The following ZC3H12D variants were observed in gnomAD, a reference collection of about 807,000 sequenced individuals.
The protein encoded by ZC3H12D is zinc finger CCCH-type containing 12D, also known as probable ribonuclease ZC3H12D.
A neutral mutation model predicts 24.2 loss-of-function variants in ZC3H12D; 11 were observed. The ratio of observed to expected loss-of-function variants is 0.46; its 90% CI spans 0.29 to 0.75. The LOEUF (loss-of-function observed/expected upper bound fraction) is 0.75. ZC3H12D is among the 30% of genes least tolerant of loss of function. The probability of loss-of-function intolerance (pLI) is 0.11; values close to 1 mark genes in which losing one functional copy is unlikely to be tolerated. For synonymous variants in ZC3H12D, 333 were observed against 341.8 expected (o/e 0.97, Z 0.28); for missense variants, 740 against 767.7 (o/e 0.96, Z 0.43).
chr6:149,451,362 C>CATCATTAAAA lies in ZC3H12D; in HGVS notation c.904_905insTTTTAATGAT (p.Gly302ValfsTer95). ...TCTCGGTGGCCGCTGCTCCTCGGCG[C>CATCATTAAAA]CCGCGCCAGGCCGGGCCCCTGTCTT... On this transcript the variant is annotated frameshift_variant, in exon 6 of 6. Transcript: ENST00000409806. LOFTEE classifies it low-confidence loss of function (END_TRUNC). The CATCATTAAAA allele has an allele frequency of 1.3e-6, 2 of 1,496,224 alleles. No homozygotes were observed. Among genetic ancestry groups the CATCATTAAAA allele is most frequent in the Non-Finnish European group, 8.8e-7 (1 of 1,133,532 alleles). 92.7% of individuals were successfully genotyped at this position (1,496,224 alleles called of 1,614,324 possible).
At chr6:149,464,913 C>A (rs1776127181) in intron 2 of ZC3H12D, among the ~76,000 whole-genome samples, 1 of 152,168 alleles carries the variant, frequency 6.6e-6, no homozygotes, top group Admixed American at 6.5e-5. Flanking sequence ...GAGCCAAGGG[C>A]CACTACGCCA....
chr6:149,459,073 T>C (rs1000638469), intron 3 of ZC3H12D, among the ~76,000 whole-genome samples: 1 of 152,190 alleles, frequency 6.6e-6, no homozygotes, highest in Admixed American at 6.5e-5. Context: ...TTTCCACTTT[T>C]TTGTTTTTGT....
intron 3 of ZC3H12D, among the ~76,000 whole-genome samples, chr6:149,457,541 T>C (rs1456064075): frequency 1.3e-5 from 2 of 152,188 alleles, no homozygotes; most frequent in Non-Finnish European, 2.9e-5. Flanking sequence ...TTCACCCCGG[T>C]TGAATGTCCA....
At chr6:149,457,316 G>T (rs1394800106) in intron 3 of ZC3H12D, among the ~76,000 whole-genome samples, 1 of 152,208 alleles carries the variant, frequency 6.6e-6, no homozygotes, top group Non-Finnish European at 1.5e-5. Flanking sequence ...CCTTCAGCAT[G>T]ACGGGGAGCC....
chr6:149,451,905 C>T (rs549924851), intron 5 of ZC3H12D, among the ~76,000 whole-genome samples: 2 of 152,342 alleles, frequency 1.3e-5, no homozygotes, highest in East Asian at 3.9e-4. Flanking sequence ...ACTGCGCCTG[C>T]AGTGCCGCCT....
At chr6:149,479,602 C>T (rs1462415527) in intron 1 of ZC3H12D, among the ~76,000 whole-genome samples, 1 of 152,212 alleles carries the variant, frequency 6.6e-6, no homozygotes, top group African/African-American at 2.4e-5. Context: ...AATTATCATT[C>T]TTCTGTTTCT....
At chr6:149,474,888 G>A (rs548937916) in intron 1 of ZC3H12D, among the ~76,000 whole-genome samples, 4 of 152,354 alleles carry the variant, frequency 2.6e-5, no homozygotes, top group African/African-American at 9.6e-5. Flanking sequence ...CGTGCACCTA[G>A]CACTCGGGAC....
chr6:149,466,007 G>A (rs1391422085), intron 2 of ZC3H12D, among the ~76,000 whole-genome samples: 1 of 152,098 alleles, frequency 6.6e-6, no homozygotes, highest in Non-Finnish European at 1.5e-5. Flanking sequence ...TTTCTGCAAG[G>A]CTGCCTTGGA....
intron 2 of ZC3H12D, among the ~76,000 whole-genome samples, chr6:149,469,228 C>T (rs941667958): frequency 1.3e-5 from 2 of 152,124 alleles, no homozygotes; most frequent in African/African-American, 4.8e-5. Flanking sequence ...GAGGCCGAGG[C>T]GGGTGGATCA....
chr6:149,468,475 T>C (rs2115009100), intron 2 of ZC3H12D, among the ~76,000 whole-genome samples: 1 of 152,258 alleles, frequency 6.6e-6, no homozygotes, highest in South Asian at 2.1e-4. Context: ...GGCTAGGGGC[T>C]CCCAAAGCAG....
chr6:149,461,662 G>A (rs411091), intron 3 of ZC3H12D, 169 bp downstream of exon 3: 215,830 of 639,838 alleles, frequency 0.34, 38,273 homozygotes, highest in African/African-American at 0.46. Context: ...TAGGTGCTAG[G>A]GCTATGGCAT....
rs1197025728 is a variant in ZC3H12D at position 149,474,411 on chromosome 6, T to C, written c.133A>G (p.Ser45Gly). Residue 45 changes from serine (S) to glycine (G), a missense_variant, in exon 2 of 6, where the codon AGC (serine) becomes GGC (glycine). Coordinates refer to ENST00000409806, the MANE Select transcript of ZC3H12D (RefSeq NM_207360.3). The part of the protein sequence containing the change: ...DVLQELIRTG[S>G]RPGALEHPAA... ...GGGTGCTCCAGGGCACCCGGGCGGC[T>C]GCCCGTGCGGATAAGCTCCTGCAGC... 1 of 1,608,456 alleles carries C rather than the reference T, an allele frequency of 6.2e-7. No individual in the cohort carries two copies. Among genetic ancestry groups the C allele is most frequent in the Non-Finnish European group, 8.5e-7 (1 of 1,175,802 alleles).
Position 149,456,593 on chromosome 6 carries a change from G to C in ZC3H12D, c.680+73C>G. On this transcript the variant is annotated intron_variant, in intron 4 of 5. Transcript: ENST00000409806. The surrounding 1 kb of genome is among the most constrained non-coding windows in gnomAD (Gnocchi z 4.3). ...CCCAAGCTCCTCCACCTGGTAGCAG[G>C]CGTGGCCACTGCCTCGACCCCGGCC... 1 of 1,302,508 alleles carries C rather than the reference G, an allele frequency of 7.7e-7. No individual in the cohort carries two copies. The highest frequency in any genetic ancestry group is 1.1e-6 in the Non-Finnish European group (1 of 938,018). 80.7% of individuals were successfully genotyped at this position (1,302,508 alleles called of 1,614,324 possible).
At chr6:149,462,840 G>A (rs1411395565) in intron 2 of ZC3H12D, among the ~76,000 whole-genome samples, 1 of 152,208 alleles carries the variant, frequency 6.6e-6, no homozygotes, top group African/African-American at 2.4e-5. Flanking sequence ...TACACCAGGG[G>A]TTTGCCAGGG....
At chr6:149,463,233 G>A (rs143705129) in intron 2 of ZC3H12D, among the ~76,000 whole-genome samples, 1 of 152,312 alleles carries the variant, frequency 6.6e-6, no homozygotes, top group African/African-American at 2.4e-5. Context: ...AGCAAGGAGG[G>A]CAATGCCCTT....
chr6:149,480,055 C>T lies in ZC3H12D; in HGVS notation c.-71+4758G>A, dbSNP rs560249904. ...ATAACCACCCTCCCCTTCGCACTCA[C>T]ACCACCACCACCCTAGCTCATTCAC... On this transcript the variant is annotated intron_variant, in intron 1 of 5. Transcript: ENST00000409806. Among the ~76,000 whole-genome samples the T allele has an allele frequency of 9.9e-5, 15 of 152,256 alleles. No individual in the cohort carries two copies. The South Asian group carries it at 2.9e-3, about 30-fold the overall frequency.
chr6:149,456,609 G>GA lies in ZC3H12D; in HGVS notation c.680+56dup. 1 of 1,384,784 alleles carries GA rather than the reference G, an allele frequency of 7.2e-7. No homozygotes were observed. 85.8% of individuals were successfully genotyped at this position (1,384,784 alleles called of 1,614,324 possible). A position where few individuals can be genotyped will look rare whatever the true frequency, so the allele number is the denominator to read the frequency against. ...TGGTAGCAGGCGTGGCCACTGCCTC[G>GA]ACCCCGGCCCCCCGCCCCGCCGCCC... On this transcript the variant is annotated intron_variant, in intron 4 of 5. Transcript: ENST00000409806. This position sits in a 1 kb window ranked among gnomAD's most constrained non-coding sequence, Gnocchi z 4.3.
intron 1 of ZC3H12D, among the ~76,000 whole-genome samples, chr6:149,484,146 G>A (rs1776466328): frequency 6.6e-6 from 1 of 152,188 alleles, no homozygotes; most frequent in African/African-American, 2.4e-5. Context: ...AGTCAGGGAT[G>A]GGCACCCCAC....
intron 1 of ZC3H12D, chr6:149,483,266 G>A (rs910304539): frequency 3.9e-5 from 6 of 152,078 alleles, no homozygotes; most frequent in African/African-American, 9.7e-5. Context: ...AGTATTTCTC[G>A]CCTGGCCTTT....
Sources: allele counts gnomAD v4.1 joint callset (sites outside exome capture counted in the v4.1 genomes callset), GRCh38; gene constraint gnomAD v4.1.1; non-coding constraint Gnocchi (gnomAD v3.1); transcripts MANE v1.5; gene names NCBI Gene and HGNC (gene_info 2026-07-23, HGNC 2026-07-21).